ACTR3C: variants seen among roughly 807,000 people sequenced by gnomAD.
ACTR3C encodes actin-related protein 3C.
In ACTR3C, 18 loss-of-function variants were observed where a neutral mutation model predicts 26.3. The ratio of observed to expected loss-of-function variants is 0.68; its 90% CI spans 0.47 to 1.01. ACTR3C has a LOEUF of 1.01. Ranked by LOEUF, ACTR3C falls within the 50% of genes least tolerant of loss-of-function variation. ACTR3C has a pLI of 0.00. For missense variants in ACTR3C, 184 were observed against 250.7 expected (o/e 0.73, Z 1.80); for synonymous variants, 55 against 94.5 (o/e 0.58, Z 2.42).
the ACTR3C span, chr7:150,002,670 C>T: frequency 1.3e-5 from 2 of 152,148 alleles, no homozygotes; most frequent in African/African-American, 2.4e-5. Flanking sequence ...CCGGGGATAC[C>T]GTCTGTCTAG....
rs1832699674 is a variant in ACTR3C at position 150,249,680 on chromosome 7, C to A, written c.565-626G>T. 3.9e-5 allele frequency among the ~76,000 whole-genome samples: 6 copies of A among 152,328 alleles called. No individual in the cohort carries two copies. The South Asian group carries it at 1.2e-3, about 32-fold the overall frequency. On this transcript the variant is annotated intron_variant, in intron 6 of 7. Transcript: ENST00000683684. ...ATGTTGGCCAGGCTCGTCTCGAACT[C>A]CTGACCTCAGGTGATCCGCCTGCCT...
At chr7:150,278,091 A>G (rs4015666) in intron 6 of ACTR3C, among the ~76,000 whole-genome samples, 34,544 of 151,940 alleles carry the variant, frequency 0.23, 6,136 homozygotes, top group African/African-American at 0.49. Flanking sequence ...CCATTCCCAC[A>G]TTCAAACATG....
At chr7:150,161,229 T>TA in the ACTR3C span, among the ~76,000 whole-genome samples, 16 of 132,988 alleles carry the variant, frequency 1.2e-4, no homozygotes, top group South Asian at 2.4e-4. Context: ...TATATATTTA[T>TA]TATACTTTAA....
At chr7:150,096,489 A>G in the ACTR3C span, among the ~76,000 whole-genome samples, 5 of 151,470 alleles carry the variant, frequency 3.3e-5, no homozygotes, top group African/African-American at 1.2e-4. Context: ...CCATTCAGCA[A>G]TCTTAACCTC....
chr7:149,950,351 G>C, the ACTR3C span, among the ~76,000 whole-genome samples: 3 of 146,518 alleles, frequency 2.0e-5, no homozygotes, highest in Admixed American at 6.6e-5. Flanking sequence ...CTGCGAGACG[G>C]GGGGAGGGAG....
chr7:149,987,652 G>C, the ACTR3C span, among the ~76,000 whole-genome samples: 1 of 141,212 alleles, frequency 7.1e-6, no homozygotes, highest in Non-Finnish European at 1.6e-5. Flanking sequence ...TTAAAATTTT[G>C]AAAATTGTTA....
At chr7:149,970,603 G>A in the ACTR3C span, among the ~76,000 whole-genome samples, 1 of 152,050 alleles carries the variant, frequency 6.6e-6, no homozygotes, top group Non-Finnish European at 1.5e-5. Flanking sequence ...AAATTATATG[G>A]TCACCCTACT....
At chr7:149,984,936 T>C in the ACTR3C span, among the ~76,000 whole-genome samples, 1 of 152,182 alleles carries the variant, frequency 6.6e-6, no homozygotes, top group Non-Finnish European at 1.5e-5. Context: ...TAGGAATATG[T>C]GTGTTTCACC....
chr7:150,117,108 G>T, the ACTR3C span, among the ~76,000 whole-genome samples: 1 of 152,194 alleles, frequency 6.6e-6, no homozygotes, highest in East Asian at 1.9e-4. Flanking sequence ...ATTCCCTTGG[G>T]TGCCTATATC....
At chr7:150,212,087 T>A in the ACTR3C span, among the ~76,000 whole-genome samples, 1 of 147,130 alleles carries the variant, frequency 6.8e-6, no homozygotes, top group Non-Finnish European at 1.5e-5. Flanking sequence ...TCTAAAGCCC[T>A]AAAGATGAGG....
the ACTR3C span, among the ~76,000 whole-genome samples, chr7:150,129,352 A>G: frequency 4.6e-5 from 7 of 152,184 alleles, no homozygotes; most frequent in Non-Finnish European, 8.8e-5. Flanking sequence ...AATCCCTCAC[A>G]CTTCTAGTCA....
At chr7:150,026,711 C>T in the ACTR3C span, among the ~76,000 whole-genome samples, 4 of 151,900 alleles carry the variant, frequency 2.6e-5, no homozygotes, top group African/African-American at 9.7e-5. Context: ...AGCTATTTTC[C>T]TTAAGAATTT....
the ACTR3C span, among the ~76,000 whole-genome samples, chr7:150,178,890 G>A: frequency 8.6e-5 from 13 of 150,694 alleles, 1 homozygote; most frequent in African/African-American, 3.0e-4. Context: ...ACTTTTGCAC[G>A]TATGAGTAAC....
chr7:149,936,611 T>C, the ACTR3C span, among the ~76,000 whole-genome samples: 1 of 152,134 alleles, frequency 6.6e-6, no homozygotes, highest in Non-Finnish European at 1.5e-5. Flanking sequence ...CAGTTAGTGT[T>C]TATCCTTGAG....
chr7:149,936,107 G>T, the ACTR3C span, among the ~76,000 whole-genome samples: 1 of 152,158 alleles, frequency 6.6e-6, no homozygotes, highest in South Asian at 2.1e-4. Flanking sequence ...CATCGCCAAG[G>T]TGACAGAACG....
At chr7:150,307,965 C>T (rs1795939512) in intron 1 of ACTR3C, among the ~76,000 whole-genome samples, 1 of 152,192 alleles carries the variant, frequency 6.6e-6, no homozygotes, top group Non-Finnish European at 1.5e-5. Flanking sequence ...CTTTTGCTTT[C>T]TGGTAGAGAC....
At chr7:150,057,929 G>T in the ACTR3C span, among the ~76,000 whole-genome samples, 4 of 152,130 alleles carry the variant, frequency 2.6e-5, no homozygotes, top group African/African-American at 9.7e-5. Flanking sequence ...GGTCTTTGAG[G>T]AAAAATAATC....
At chr7:149,985,665 A>G in the ACTR3C span, among the ~76,000 whole-genome samples, 1 of 152,184 alleles carries the variant, frequency 6.6e-6, no homozygotes, top group Non-Finnish European at 1.5e-5. Flanking sequence ...ACTTCAAAAA[A>G]TGCACAGTGC....
At chr7:149,989,444 C>T in the ACTR3C span, among the ~76,000 whole-genome samples, 1 of 152,100 alleles carries the variant, frequency 6.6e-6, no homozygotes, top group Non-Finnish European at 1.5e-5. Context: ...CAACATCTCC[C>T]CAACCCACCC....
Sources: gnomAD v4.1 joint callset for allele counts (sites outside exome capture counted in the v4.1 genomes callset) on GRCh38, gnomAD v4.1.1 for gene constraint, MANE v1.5 for transcripts, NCBI Gene and HGNC (gene_info 2026-07-23, HGNC 2026-07-21) for gene names.